QTMAN: variants seen among roughly 807,000 people sequenced by gnomAD.
The protein encoded by QTMAN is queuosine-tRNA mannosyltransferase.
the QTMAN span, among the ~76,000 whole-genome samples, chr2:144,133,153 T>TATATATAA: frequency 2.4e-5 from 1 of 41,656 alleles, no homozygotes; most frequent in African/African-American, 1.3e-4. Context: ...ATATATATAA[T>TATATATAA]ATAATATAAT....
At chr2:144,285,690 T>A in the QTMAN span, among the ~76,000 whole-genome samples, 5 of 152,338 alleles carry the variant, frequency 3.3e-5, no homozygotes, top group African/African-American at 1.2e-4. Flanking sequence ...AAAATGTAAT[T>A]GAAGGAGCTT....
At chr2:144,231,525 T>C in the QTMAN span, among the ~76,000 whole-genome samples, 2 of 152,170 alleles carry the variant, frequency 1.3e-5, no homozygotes, top group African/African-American at 4.8e-5. Context: ...AGCTTTGCTA[T>C]GTGTTCTGAA....
chr2:143,983,601 T>C, the QTMAN span, among the ~76,000 whole-genome samples: 3 of 151,858 alleles, frequency 2.0e-5, no homozygotes, highest in Admixed American at 1.3e-4. Context: ...GCCTCCCTAG[T>C]AGCTGGGACT....
chr2:144,208,186 T>C, the QTMAN span, among the ~76,000 whole-genome samples: 7 of 152,120 alleles, frequency 4.6e-5, no homozygotes, highest in Admixed American at 4.6e-4. Context: ...TCTCCATCTT[T>C]CACCTCTCAT....
At chr2:144,223,119 C>T in the QTMAN span, among the ~76,000 whole-genome samples, 1 of 152,094 alleles carries the variant, frequency 6.6e-6, no homozygotes, top group East Asian at 1.9e-4. Context: ...TATGAAATCA[C>T]TCTGTTCCTG....
At chr2:144,126,563 C>T in the QTMAN span, among the ~76,000 whole-genome samples, 1 of 152,012 alleles carries the variant, frequency 6.6e-6, no homozygotes, top group Non-Finnish European at 1.5e-5. Flanking sequence ...TTAACGGCTT[C>T]AATAGGTTCT....
the QTMAN span, among the ~76,000 whole-genome samples, chr2:144,205,682 A>C: frequency 2.6e-5 from 4 of 152,212 alleles, no homozygotes; most frequent in Non-Finnish European, 5.9e-5. Context: ...TGAAAAAATG[A>C]TTTCTAAATA....
the QTMAN span, among the ~76,000 whole-genome samples, chr2:143,956,579 A>G: frequency 0.045 from 6,797 of 152,188 alleles, 259 homozygotes; most frequent in East Asian, 0.16. Flanking sequence ...TCAGTAAGGA[A>G]AAAGACCATT....
the QTMAN span, among the ~76,000 whole-genome samples, chr2:144,148,287 T>A: frequency 2.6e-5 from 4 of 151,760 alleles, no homozygotes; most frequent in African/African-American, 9.7e-5. Context: ...TAATAATAAA[T>A]ATTAATATGT....
chr2:144,145,558 C>T, the QTMAN span: 2 of 1,589,798 alleles, frequency 1.3e-6, no homozygotes, highest in Non-Finnish European at 1.7e-6. Flanking sequence ...TATAATGATA[C>T]AATCCATACC....
chr2:144,116,840 G>A, the QTMAN span, among the ~76,000 whole-genome samples: 1 of 152,200 alleles, frequency 6.6e-6, no homozygotes, highest in Admixed American at 6.5e-5. Context: ...GTAGTTTAGA[G>A]CAGCGAGTCA....
the QTMAN span, among the ~76,000 whole-genome samples, chr2:144,231,487 A>T: frequency 6.6e-6 from 1 of 152,138 alleles, no homozygotes; most frequent in African/African-American, 2.4e-5. Context: ...TTCCTAAAAA[A>T]TATATAATGT....
chr2:144,022,873 CTCTT>C, the QTMAN span, among the ~76,000 whole-genome samples: 2 of 152,050 alleles, frequency 1.3e-5, no homozygotes, highest in African/African-American at 4.8e-5. Context: ...TATCAATTCT[CTCTT>C]TATCAATGTG....
At chr2:143,947,787 T>C in the QTMAN span, among the ~76,000 whole-genome samples, 1 of 151,600 alleles carries the variant, frequency 6.6e-6, no homozygotes, top group Non-Finnish European at 1.5e-5. Context: ...TCTGTGATGC[T>C]AAAAGGTTTT....
the QTMAN span, among the ~76,000 whole-genome samples, chr2:144,266,805 G>C: frequency 6.6e-6 from 1 of 152,112 alleles, no homozygotes; most frequent in Non-Finnish European, 1.5e-5. Flanking sequence ...AATAAACTCT[G>C]ACCTTCCTAC....
the QTMAN span, among the ~76,000 whole-genome samples, chr2:144,120,302 T>C: frequency 3.9e-5 from 6 of 152,170 alleles, no homozygotes; most frequent in Non-Finnish European, 8.8e-5. Context: ...TCTAGGTAGG[T>C]ACTTAAAATC....
the QTMAN span, among the ~76,000 whole-genome samples, chr2:144,050,783 A>G: frequency 4.0e-5 from 6 of 150,176 alleles, no homozygotes; most frequent in Non-Finnish European, 7.4e-5. Flanking sequence ...TTCAGTCAGC[A>G]CACACACACA....
the QTMAN span, among the ~76,000 whole-genome samples, chr2:144,203,202 C>G: frequency 2.6e-5 from 4 of 151,204 alleles, no homozygotes; most frequent in African/African-American, 9.7e-5. Context: ...CACGTGCGCA[C>G]GCACACATGT....
the QTMAN span, among the ~76,000 whole-genome samples, chr2:144,081,059 T>C: frequency 1.3e-5 from 2 of 152,206 alleles, no homozygotes; most frequent in African/African-American, 4.8e-5. Flanking sequence ...ATACCTCTAT[T>C]GAAAAACCTT....
Sources: allele counts gnomAD v4.1 joint callset (sites outside exome capture counted in the v4.1 genomes callset), GRCh38; gene constraint gnomAD v4.1.1; transcripts MANE v1.5; gene names NCBI Gene and HGNC (gene_info 2026-07-23, HGNC 2026-07-21).